Variants in AGBL4 observed in about 807,000 individuals in gnomAD.
AGBL4 encodes the protein AGBL carboxypeptidase 4.
AGBL4 carries 58 observed loss-of-function variants against 66.4 expected under a neutral mutation model. The ratio of observed to expected loss-of-function variants is 0.87; its 90% CI spans 0.71 to 1.09. The LOEUF (loss-of-function observed/expected upper bound fraction) is 1.09, where lower values mean the gene tolerates loss of function less well. AGBL4 is among the 50% of genes least tolerant of loss of function. The probability of loss-of-function intolerance (pLI) is 0.00; values close to 1 mark genes in which losing one functional copy is unlikely to be tolerated. For synonymous variants in AGBL4, 234 were observed against 222.9 expected (o/e 1.05, Z -0.44); for missense variants, 579 against 631.0 (o/e 0.92, Z 0.88).
At chr1:49,402,569 C>CTTTT (rs111878788) in intron 3 of AGBL4, among the ~76,000 whole-genome samples, 2 of 137,778 alleles carry the variant, frequency 1.5e-5, no homozygotes, top group South Asian at 4.6e-4. Context: ...TTTTGAATGC[C>CTTTT]TTTTTTTTTT....
chr1:49,137,804 A>G (rs185828222), intron 4 of AGBL4, among the ~76,000 whole-genome samples: 71 of 152,254 alleles, frequency 4.7e-4, no homozygotes, highest in South Asian at 2.9e-3. Context: ...ACATCTTCTC[A>G]GACATTTAAA....
intron 3 of AGBL4, among the ~76,000 whole-genome samples, chr1:49,617,352 A>G (rs1213230210): frequency 6.6e-6 from 1 of 152,120 alleles, no homozygotes; most frequent in African/African-American, 2.4e-5. Flanking sequence ...CCCTGTATAC[A>G]CTATTTAAAA....
intron 4 of AGBL4, among the ~76,000 whole-genome samples, chr1:49,163,113 T>C (rs1202897246): frequency 6.6e-6 from 1 of 152,214 alleles, no homozygotes; most frequent in Non-Finnish European, 1.5e-5. Flanking sequence ...AAGACATTCA[T>C]TTAGGATAAC....
intron 3 of AGBL4, among the ~76,000 whole-genome samples, chr1:49,382,859 G>C (rs929091164): frequency 1.3e-5 from 2 of 152,150 alleles, no homozygotes; most frequent in African/African-American, 4.8e-5. Context: ...TCAGTTGTGA[G>C]TGCAGCATGG....
intron 6 of AGBL4, among the ~76,000 whole-genome samples, chr1:48,691,241 T>C (rs1008557398): frequency 2.7e-5 from 4 of 150,602 alleles, no homozygotes; most frequent in Non-Finnish European, 5.9e-5. Context: ...ATCTAAAATA[T>C]TTTAATATAT....
intron 2 of AGBL4, among the ~76,000 whole-genome samples, chr1:49,747,183 T>A (rs1173284925): frequency 1.3e-5 from 2 of 152,130 alleles, no homozygotes; most frequent in African/African-American, 4.8e-5. Flanking sequence ...TTCACCTTCA[T>A]ATCAAGGACT....
At chr1:49,116,830 C>T (rs1645534654) in intron 4 of AGBL4, among the ~76,000 whole-genome samples, 1 of 152,174 alleles carries the variant, frequency 6.6e-6, no homozygotes, top group East Asian at 1.9e-4. Flanking sequence ...AATTCACACT[C>T]CCACCAACAG....
chr1:49,867,047 G>A lies in AGBL4; in HGVS notation c.35-15529C>T, dbSNP rs892758208. Among the ~76,000 whole-genome samples the A allele has an allele frequency of 5.9e-5, 9 of 152,058 alleles. No homozygotes were observed. The East Asian group carries it at 7.8e-4, about 13-fold the overall frequency. On this transcript the variant is annotated intron_variant, in intron 1 of 13. Coordinates refer to ENST00000371839, the MANE Select transcript of AGBL4 (RefSeq NM_032785.4). ...TTTTGAAAATATCAGCATCTTTCCTGTCTGTGTTGCTGCTGAAAGGCCCCA... is the reference window on the plus strand; with the variant it reads ...TTTTGAAAATATCAGCATCTTTCCTATCTGTGTTGCTGCTGAAAGGCCCCA...
chr1:49,341,373 T>A (rs1347284255), intron 3 of AGBL4, among the ~76,000 whole-genome samples: 1 of 152,074 alleles, frequency 6.6e-6, no homozygotes, highest in Non-Finnish European at 1.5e-5. Context: ...GGTGAAAAGA[T>A]AAAATAAGGT....
At chr1:49,480,484 G>GA (rs1290860248) in intron 3 of AGBL4, among the ~76,000 whole-genome samples, 9 of 146,374 alleles carry the variant, frequency 6.1e-5, no homozygotes, top group Non-Finnish European at 9.1e-5. Flanking sequence ...TAATGGAGTT[G>GA]TTTTTTTTTT....
At chr1:48,673,018 C>G (rs990962075) in intron 6 of AGBL4, among the ~76,000 whole-genome samples, 4 of 152,050 alleles carry the variant, frequency 2.6e-5, no homozygotes, top group Non-Finnish European at 5.9e-5. Context: ...GGCTGCCAGG[C>G]TAGTAAGACT....
intron 2 of AGBL4, chr1:49,844,811 G>C: frequency 2.6e-6 from 4 of 1,549,056 alleles, no homozygotes; most frequent in Non-Finnish European, 3.6e-6. Flanking sequence ...TACTGCAGGG[G>C]TGAAGACACT....
intron 3 of AGBL4, among the ~76,000 whole-genome samples, chr1:49,367,698 T>C (rs1255423142): frequency 6.6e-6 from 1 of 152,236 alleles, no homozygotes; most frequent in Admixed American, 6.5e-5. Context: ...GTTTGGGTTC[T>C]TACGACGGAG....
At chr1:49,131,152 A>T (rs1028565501) in intron 4 of AGBL4, among the ~76,000 whole-genome samples, 1 of 152,124 alleles carries the variant, frequency 6.6e-6, no homozygotes, top group Admixed American at 6.6e-5. Context: ...TATATTCTAT[A>T]TTTCCATTTA....
intron 3 of AGBL4, among the ~76,000 whole-genome samples, chr1:49,590,167 A>G (rs2124071800): frequency 6.6e-6 from 1 of 152,224 alleles, no homozygotes; most frequent in South Asian, 2.1e-4. Context: ...AGCTTCATTG[A>G]TCAAGACGTT....
chr1:49,517,034 G>A (rs909489183), intron 3 of AGBL4, among the ~76,000 whole-genome samples: 3 of 151,930 alleles, frequency 2.0e-5, no homozygotes, highest in African/African-American at 7.2e-5. Context: ...TATTTATGAT[G>A]GTGCATGGAC....
At chr1:49,872,394 A>T (rs1398409522) in intron 1 of AGBL4, among the ~76,000 whole-genome samples, 1 of 152,114 alleles carries the variant, frequency 6.6e-6, no homozygotes, top group Non-Finnish European at 1.5e-5. Flanking sequence ...CTGGAATGAC[A>T]TATTTTCAAA....
At chr1:49,786,046 A>G (rs1306688671) in intron 2 of AGBL4, among the ~76,000 whole-genome samples, 1 of 152,032 alleles carries the variant, frequency 6.6e-6, no homozygotes, top group Non-Finnish European at 1.5e-5. Context: ...TATCCATCCC[A>G]TTGATGCTTT....
At chr1:48,714,608 T>A (rs912445711) in intron 6 of AGBL4, among the ~76,000 whole-genome samples, 2 of 152,196 alleles carry the variant, frequency 1.3e-5, no homozygotes, top group East Asian at 1.9e-4. Flanking sequence ...TTCCCATTCA[T>A]CATCTACGAT....
Sources: gnomAD v4.1 joint callset for allele counts (sites outside exome capture counted in the v4.1 genomes callset) on GRCh38, gnomAD v4.1.1 for gene constraint, MANE v1.5 for transcripts, NCBI Gene and HGNC (gene_info 2026-07-23, HGNC 2026-07-21) for gene names.